The following VSTM4 variants were observed in gnomAD, a reference collection of about 807,000 sequenced individuals.
VSTM4 encodes V-set and transmembrane domain containing 4.
VSTM4 carries 20 observed loss-of-function variants against 36.4 expected under a neutral mutation model. That is an observed-to-expected ratio of 0.55 (90% CI 0.39 to 0.80). The LOEUF (loss-of-function observed/expected upper bound fraction) is 0.80. Ranked by LOEUF, VSTM4 falls within the 30% of genes least tolerant of loss-of-function variation. The probability of loss-of-function intolerance (pLI) is 0.00; values close to 1 mark genes in which losing one functional copy is unlikely to be tolerated. For missense variants in VSTM4, 392 were observed against 404.5 expected (o/e 0.97, Z 0.26); for synonymous variants, 182 against 173.9 (o/e 1.05, Z -0.37).
At chr10:49,053,160 G>C (rs1054333892) in intron 5 of VSTM4, among the ~76,000 whole-genome samples, 1 of 152,204 alleles carries the variant, frequency 6.6e-6, no homozygotes, top group African/African-American at 2.4e-5. Flanking sequence ...AGGCCCGCCC[G>C]GAAACTCCCT....
At chr10:49,104,338 A>G (rs548542627) in intron 2 of VSTM4, among the ~76,000 whole-genome samples, 1 of 152,258 alleles carries the variant, frequency 6.6e-6, no homozygotes, top group East Asian at 1.9e-4. Context: ...TGAGGTGGAA[A>G]TTTAGGAAAA....
chr10:49,044,741 A>C (rs1366828734), intron 7 of VSTM4, among the ~76,000 whole-genome samples: 1 of 152,036 alleles, frequency 6.6e-6, no homozygotes, highest in Non-Finnish European at 1.5e-5. Context: ...CCATTCCTTC[A>C]TGTTGGTGCT....
intron 7 of VSTM4, among the ~76,000 whole-genome samples, chr10:49,038,909 G>C (rs1590077194): frequency 1.3e-5 from 2 of 152,146 alleles, no homozygotes; most frequent in African/African-American, 2.4e-5. Context: ...GGGGGAGGCA[G>C]CCTGACCACC....
chr10:49,111,310 A>G (rs1844890079), intron 1 of VSTM4, among the ~76,000 whole-genome samples: 1 of 152,196 alleles, frequency 6.6e-6, no homozygotes, highest in Admixed American at 6.5e-5. Context: ...GGCTCAGCAG[A>G]GGGAACACCA....
At chr10:49,022,175 A>G (rs1843191881) in intron 7 of VSTM4, among the ~76,000 whole-genome samples, 1 of 152,198 alleles carries the variant, frequency 6.6e-6, no homozygotes, top group Non-Finnish European at 1.5e-5. Context: ...TTAAAAAAAT[A>G]AAAGTTGGTC....
chr10:49,084,873 T>A (rs189209003), intron 3 of VSTM4, among the ~76,000 whole-genome samples: 10 of 152,358 alleles, frequency 6.6e-5, no homozygotes, highest in African/African-American at 2.4e-4. Context: ...GCACTCTGGA[T>A]ACTTGGAGCC....
At chr10:49,024,690 G>A (rs1364010706) in intron 7 of VSTM4, among the ~76,000 whole-genome samples, 2 of 152,200 alleles carry the variant, frequency 1.3e-5, no homozygotes, top group African/African-American at 4.8e-5. Context: ...GAACATGTGT[G>A]TGCTGAACAA....
At chr10:49,050,971 C>T (rs1843687889) in intron 5 of VSTM4, among the ~76,000 whole-genome samples, 1 of 152,192 alleles carries the variant, frequency 6.6e-6, no homozygotes, top group African/African-American at 2.4e-5. Flanking sequence ...CCCACCTCCA[C>T]ACATGCACAG....
In VSTM4 at chr10:49,018,364, C is replaced by T. The variant is rs1564561677; in HGVS notation, c.*1286G>A. 6.6e-6 allele frequency: 1 copy of T among 152,170 alleles called. No homozygotes were observed. Among genetic ancestry groups the T allele is most frequent in the African/African-American group, 2.4e-5 (1 of 41,428 alleles). 9.4% of individuals were successfully genotyped at this position (152,170 alleles called of 1,614,324 possible). ...GGAAGTTAAGTCGTCTTTACACAAACATGGAGTCTGAGGTCATTAGGGGAT... is the reference window on the plus strand; with the variant it reads ...GGAAGTTAAGTCGTCTTTACACAAATATGGAGTCTGAGGTCATTAGGGGAT... On this transcript the variant is annotated 3_prime_UTR_variant, in exon 8 of 8. Coordinates refer to ENST00000332853, the MANE Select transcript of VSTM4 (RefSeq NM_001031746.5).
intron 7 of VSTM4, among the ~76,000 whole-genome samples, chr10:49,026,401 T>C (rs1276444962): frequency 1.3e-5 from 2 of 152,370 alleles, no homozygotes; most frequent in African/African-American, 2.4e-5. Flanking sequence ...AGGTGCCTTT[T>C]TGTAATCTAC....
In VSTM4 at chr10:49,019,828, T is replaced by C. The variant is rs538173674; in HGVS notation, c.838-53A>G. On this transcript the variant is annotated intron_variant, in intron 7 of 7. Transcript: ENST00000332853. ...CAATTCTAGCTGACCACAGGAGCTC[T>C]ACATCACACATTCATTCATCAAGTA... 4.1e-4 allele frequency: 639 copies of C among 1,564,770 alleles called. 1 individual carries two copies. Among genetic ancestry groups the C allele is most frequent in the Non-Finnish European group, 5.4e-4 (628 of 1,154,142 alleles).
chr10:49,047,894 T>C (rs1292034474), intron 6 of VSTM4, among the ~76,000 whole-genome samples: 1 of 152,252 alleles, frequency 6.6e-6, no homozygotes, highest in African/African-American at 2.4e-5. Flanking sequence ...TCTCCTAAAT[T>C]GACCAGTTAT....
chr10:49,055,693 T>C (rs1590091207), intron 5 of VSTM4, among the ~76,000 whole-genome samples: 1 of 152,224 alleles, frequency 6.6e-6, no homozygotes, highest in East Asian at 1.9e-4. Flanking sequence ...TGGTTCCATA[T>C]GCCAGGAGCT....
At chr10:49,098,092 T>C (rs1446711462) in intron 2 of VSTM4, among the ~76,000 whole-genome samples, 1 of 152,150 alleles carries the variant, frequency 6.6e-6, no homozygotes, top group Non-Finnish European at 1.5e-5. Context: ...GGCTGAGCAG[T>C]GCACCTCCCT....
chr10:49,045,878 G>T (rs1428761114), intron 7 of VSTM4, among the ~76,000 whole-genome samples: 3 of 152,148 alleles, frequency 2.0e-5, no homozygotes, highest in Non-Finnish European at 4.4e-5. Context: ...TTGGCTCTGT[G>T]TCTCCACCCA....
At chr10:49,102,494 C>T (rs138710737) in intron 2 of VSTM4, 59 of 985,404 alleles carry the variant, frequency 6.0e-5, no homozygotes, top group Admixed American at 4.3e-4. Flanking sequence ...TGAAAAACAA[C>T]GGCATGACCA....
intron 2 of VSTM4, among the ~76,000 whole-genome samples, chr10:49,100,582 T>TAA (rs1005470405): frequency 6.7e-6 from 1 of 148,514 alleles, no homozygotes; most frequent in South Asian, 2.1e-4. Context: ...GAAAGACATT[T>TAA]AAAAAAAAAA....
chr10:49,043,115 T>C (rs897357022), intron 7 of VSTM4, among the ~76,000 whole-genome samples: 13 of 152,240 alleles, frequency 8.5e-5, no homozygotes, highest in Non-Finnish European at 1.8e-4. Context: ...TAGATCATTC[T>C]GGGATGCACT....
At chr10:49,024,122 T>C (rs1325891887) in intron 7 of VSTM4, among the ~76,000 whole-genome samples, 1 of 152,238 alleles carries the variant, frequency 6.6e-6, no homozygotes, top group Admixed American at 6.5e-5. Flanking sequence ...TGTTTGGTTT[T>C]ACTTTATTTT....
Sources: allele counts gnomAD v4.1 joint callset (sites outside exome capture counted in the v4.1 genomes callset), GRCh38; gene constraint gnomAD v4.1.1; transcripts MANE v1.5; gene names NCBI Gene and HGNC (gene_info 2026-07-23, HGNC 2026-07-21).